NRG4: variants seen among roughly 807,000 people sequenced by gnomAD.
The protein encoded by NRG4 is pro-neuregulin-4, membrane-bound isoform.
A neutral mutation model predicts 15.0 loss-of-function variants in NRG4; 10 were observed. That is an observed-to-expected ratio of 0.67 (90% confidence interval 0.41 to 1.13). The LOEUF is 1.13. Ranked by LOEUF, NRG4 falls within the 50% of genes most tolerant of loss-of-function variation. The pLI, the probability that NRG4 is intolerant of heterozygous loss-of-function variation, is 0.00. For synonymous variants in NRG4, 41 were observed against 50.1 expected, an observed-to-expected ratio of 0.82 and a Z score of 0.77; for missense variants, 139 against 140.2, an observed-to-expected ratio of 0.99 and a Z score of 0.04.
rs1270262956 is a variant in NRG4 at position 76,009,260 on chromosome 15, G to A, written c.44C>T (p.Ser15Leu). The A allele has an allele frequency of 7.5e-6, 12 of 1,600,486 alleles. No homozygotes were observed. The highest frequency in any genetic ancestry group is 2.7e-5 in the African/African-American group (2 of 74,324). Residue 15 changes from serine (S) to leucine (L), a missense_variant, in exon 3 of 6, where the codon TCG becomes TTG. Physicochemically the swap from Ser to Leu is moderately radical, Grantham distance 145. Coordinates refer to ENST00000394907, the MANE Select transcript of NRG4 (RefSeq NM_138573.4). ...ACAAAGCCCCCCATTCAGGCAAAAC[G>A]ACTTGTGACTGGGACCACAGGGCTC... ...HEEPCGPSHK[S>L]FCLNGGLCYV...
At chr15:76,045,754 T>C (rs1197169511) in intron 4 of NRG4, among the ~76,000 whole-genome samples, 1 of 147,318 alleles carries the variant, frequency 6.8e-6, no homozygotes, top group Non-Finnish European at 1.5e-5. Context: ...AGGTAGAGAG[T>C]GGAAAGATGG....
At chr15:76,030,074 C>A (rs180777675) in intron 5 of NRG4, among the ~76,000 whole-genome samples, 16 of 152,134 alleles carry the variant, frequency 1.1e-4, no homozygotes, top group African/African-American at 3.9e-4. Flanking sequence ...CTGGCTAACA[C>A]GGTGAAACCC....
chr15:75,942,835 TTAGG>T lies in NRG4; in HGVS notation c.*799_*802del, dbSNP rs1343778391. The T allele has an allele frequency of 6.6e-6, 1 of 152,158 alleles. No homozygotes were observed. Among genetic ancestry groups the T allele is most frequent in the Non-Finnish European group, 1.5e-5 (1 of 68,044 alleles). 9.4% of individuals were successfully genotyped at this position (152,158 alleles called of 1,614,324 possible). ...ATTGCTTTTTTTTCCCCCATGTAAC[TTAGG>T]TAGAAAAAACTGGAGAAACTAAATT... On this transcript the variant is annotated 3_prime_UTR_variant, in exon 6 of 6. Transcript: ENST00000394907.
intron 2 of NRG4, among the ~76,000 whole-genome samples, chr15:76,055,223 C>T (rs2036125401): frequency 6.6e-6 from 1 of 152,198 alleles, no homozygotes; most frequent in African/African-American, 2.4e-5. Context: ...GCGGAGGCTA[C>T]AGTGAGCCCA....
At chr15:76,008,427 C>T (rs1204314649) in intron 3 of NRG4, among the ~76,000 whole-genome samples, 5 of 152,146 alleles carry the variant, frequency 3.3e-5, no homozygotes, top group Admixed American at 2.6e-4. Context: ...AATCTAGATT[C>T]TATACTTCTC....
At chr15:75,949,229 C>A (rs1323988746) in intron 5 of NRG4, among the ~76,000 whole-genome samples, 1 of 152,028 alleles carries the variant, frequency 6.6e-6, no homozygotes, top group Non-Finnish European at 1.5e-5. Flanking sequence ...CTGGCCAACA[C>A]CAAACCCCGT....
chr15:75,961,784 T>G, intron 4 of NRG4, 44 bp downstream of exon 4: 3 of 1,431,978 alleles, frequency 2.1e-6, no homozygotes, highest in Non-Finnish European at 2.9e-6. Context: ...GAATAACTAC[T>G]TTATGTATTA....
chr15:76,013,812 T>C (rs11633983), upstream of NRG4, among the ~76,000 whole-genome samples: 5 of 152,212 alleles, frequency 3.3e-5, no homozygotes, highest in Non-Finnish European at 5.9e-5. Context: ...TATGTGTGCA[T>C]GTGTCTTTAT....
chr15:76,004,619 T>A (rs1052474495), intron 3 of NRG4, among the ~76,000 whole-genome samples: 2 of 150,910 alleles, frequency 1.3e-5, no homozygotes, highest in Non-Finnish European at 1.5e-5. Context: ...AAAAAAAAAT[T>A]TTTTTTTACT....
chr15:76,010,076 C>G (rs1303608886), intron 2 of NRG4, among the ~76,000 whole-genome samples: 1 of 151,556 alleles, frequency 6.6e-6, no homozygotes, highest in South Asian at 2.1e-4. Flanking sequence ...CCCTTGGTAC[C>G]TCTCCTTCCT....
intron 3 of NRG4, among the ~76,000 whole-genome samples, chr15:75,983,461 A>G (rs1351601185): frequency 1.3e-5 from 2 of 152,182 alleles, no homozygotes; most frequent in African/African-American, 4.8e-5. Flanking sequence ...AAAAACACTC[A>G]CTGCTACCCC....
At chr15:75,962,442 A>G (rs2032569650) in intron 3 of NRG4, among the ~76,000 whole-genome samples, 1 of 152,200 alleles carries the variant, frequency 6.6e-6, no homozygotes, top group African/African-American at 2.4e-5. Flanking sequence ...TCAGATTTAT[A>G]TAAATAACAG....
At chr15:75,960,317 A>G (rs1287597680) in intron 4 of NRG4, among the ~76,000 whole-genome samples, 1 of 152,184 alleles carries the variant, frequency 6.6e-6, no homozygotes, top group Non-Finnish European at 1.5e-5. Context: ...AGATACATTT[A>G]AAGTCAAGCA....
At chr15:75,970,163 T>C (rs2033023823) in intron 3 of NRG4, among the ~76,000 whole-genome samples, 1 of 152,176 alleles carries the variant, frequency 6.6e-6, no homozygotes, top group Non-Finnish European at 1.5e-5. Flanking sequence ...AATAAAACAA[T>C]TCATAAAATC....
intron 5 of NRG4, among the ~76,000 whole-genome samples, chr15:75,954,221 T>C (rs568882692): frequency 6.6e-6 from 1 of 152,136 alleles, no homozygotes; most frequent in African/African-American, 2.4e-5. Flanking sequence ...ATATTTTCTA[T>C]GGTGTGTAAT....
intron 4 of NRG4, among the ~76,000 whole-genome samples, chr15:76,047,435 T>C (rs1024939106): frequency 1.3e-5 from 2 of 150,786 alleles, no homozygotes; most frequent in African/African-American, 5.0e-5. Flanking sequence ...GTATTATTCA[T>C]CCATAAAAAA....
chr15:75,991,628 A>AT (rs201392257), intron 3 of NRG4, among the ~76,000 whole-genome samples: 27,493 of 145,186 alleles, frequency 0.19, 2,788 homozygotes, highest in Middle Eastern at 0.25. Context: ...TCCTTAGTGA[A>AT]TTTTTTTTTT....
chr15:75,961,635 A>G lies in NRG4; in HGVS notation c.251+193T>C, dbSNP rs117405608. Reference sequence around the variant, plus strand: ...GTCAAGGTAAATATTGACAACAGTAACAAAGAACAAATTGAGACTGCTTAT... The same window carrying G: ...GTCAAGGTAAATATTGACAACAGTAGCAAAGAACAAATTGAGACTGCTTAT... On this transcript the variant is annotated intron_variant, in intron 4 of 5. Transcript: ENST00000394907. Among the ~76,000 whole-genome samples, 28 of 152,332 alleles carry G rather than the reference A, an allele frequency of 1.8e-4. No individual in the cohort carries two copies. In the East Asian group the frequency reaches 3.5e-3, roughly 19 times the overall value.
intron 5 of NRG4, among the ~76,000 whole-genome samples, chr15:75,953,737 G>C (rs367784302): frequency 6.6e-6 from 1 of 152,166 alleles, no homozygotes; most frequent in South Asian, 2.1e-4. Context: ...CTGTTACTCA[G>C]GCTGGAGTGC....
Sources: gnomAD v4.1 joint callset for allele counts (sites outside exome capture counted in the v4.1 genomes callset) on GRCh38, gnomAD v4.1.1 for gene constraint, MANE v1.5 for transcripts, NCBI Gene and HGNC (gene_info 2026-07-23, HGNC 2026-07-21) for gene names.